AGBL4: variants seen among roughly 807,000 people sequenced by gnomAD.
The protein encoded by AGBL4 is AGBL carboxypeptidase 4, also known as cytosolic carboxypeptidase 6.
AGBL4 carries 58 observed loss-of-function variants against 66.4 expected under a neutral mutation model. That is an observed-to-expected ratio of 0.87 (90% CI 0.71 to 1.09). The LOEUF (loss-of-function observed/expected upper bound fraction) is 1.09, where lower values mean the gene tolerates loss of function less well. AGBL4 is among the 50% of genes least tolerant of loss of function. AGBL4 has a pLI of 0.00. For synonymous variants in AGBL4, 234 were observed against 222.9 expected (o/e 1.05, Z -0.44); for missense variants, 579 against 631.0 (o/e 0.92, Z 0.88).
intron 5 of AGBL4, among the ~76,000 whole-genome samples, chr1:49,044,308 G>A (rs1415492053): frequency 6.6e-6 from 1 of 152,042 alleles, no homozygotes. Context: ...GACCAGCCTG[G>A]CCAACATGGT....
chr1:48,631,440 G>C (rs549213058), intron 9 of AGBL4, among the ~76,000 whole-genome samples: 21 of 152,270 alleles, frequency 1.4e-4, no homozygotes, highest in Admixed American at 5.9e-4. Context: ...ACTCAGGCTG[G>C]AGTGCAGTGG....
intron 3 of AGBL4, among the ~76,000 whole-genome samples, chr1:49,374,815 TCTTTACACTA>T (rs1015668678): frequency 6.6e-6 from 1 of 152,156 alleles, no homozygotes; most frequent in Admixed American, 6.6e-5. Context: ...TCACTTTCAT[TCTTTACACTA>T]AAGTCAGAAT....
intron 6 of AGBL4, among the ~76,000 whole-genome samples, chr1:48,805,653 C>A (rs1645906368): frequency 6.6e-6 from 1 of 152,148 alleles, no homozygotes; most frequent in Admixed American, 6.5e-5. Flanking sequence ...GATTTTCCAG[C>A]TATGTGACTC....
intron 4 of AGBL4, among the ~76,000 whole-genome samples, chr1:49,077,189 T>C (rs1013294309): frequency 2.0e-5 from 3 of 150,412 alleles, no homozygotes; most frequent in Non-Finnish European, 2.9e-5. Flanking sequence ...ACCTATCACA[T>C]AGTGGGTGCT....
chr1:48,930,251 G>C (rs1432064791), intron 5 of AGBL4, among the ~76,000 whole-genome samples: 5 of 151,972 alleles, frequency 3.3e-5, no homozygotes, highest in Admixed American at 3.3e-4. Context: ...CTAGGCTTCT[G>C]CTTGGCACGC....
chr1:49,817,230 T>C (rs1399283760), intron 2 of AGBL4, among the ~76,000 whole-genome samples: 6 of 152,136 alleles, frequency 3.9e-5, no homozygotes, highest in African/African-American at 1.4e-4. Flanking sequence ...CTCAGCAAGC[T>C]TGAAACAGAA....
Position 48,736,135 on chromosome 1 carries a change from T to G in AGBL4, c.635-72894A>C, listed in dbSNP as rs1649006465. The G allele has an allele frequency of 2.3e-6, 3 of 1,331,476 alleles. No homozygotes were observed. In the South Asian group the frequency reaches 3.8e-5, roughly 17 times the overall value. The allele number at this position is 1,331,476 out of a possible 1,614,324, so 82.5% of individuals were successfully genotyped here. A position where few individuals can be genotyped will look rare whatever the true frequency, so the allele number is the denominator to read the frequency against. On this transcript the variant is annotated intron_variant, in intron 6 of 13. Transcript: ENST00000371839. The surrounding 1 kb of genome is among the most constrained non-coding windows in gnomAD (Gnocchi z 4.0). ...CCCGGGCTCAGCCCAGGGTCTGGCA[T>G]GCAGAAGCTTCATAAGTAATCGTTG...
At chr1:49,669,598 A>G (rs1475214705) in intron 3 of AGBL4, among the ~76,000 whole-genome samples, 1 of 152,172 alleles carries the variant, frequency 6.6e-6, no homozygotes, top group African/African-American at 2.4e-5. Context: ...TATAAATGGC[A>G]TCTTGCAGAA....
At chr1:49,069,571 G>A (rs992654510) in intron 4 of AGBL4, among the ~76,000 whole-genome samples, 1 of 151,818 alleles carries the variant, frequency 6.6e-6, no homozygotes, top group Admixed American at 6.6e-5. Context: ...GAGGGCCTCT[G>A]TTCTGTTCCA....
chr1:49,332,085 CTAGTTTGT>C (rs1645346632), intron 3 of AGBL4, among the ~76,000 whole-genome samples: 1 of 152,286 alleles, frequency 6.6e-6, no homozygotes, highest in African/African-American at 2.4e-5. Flanking sequence ...AAGAGGGAGG[CTAGTTTGT>C]TAGTTGTTTG....
chr1:48,906,167 C>G (rs548487103), intron 5 of AGBL4, among the ~76,000 whole-genome samples: 2 of 151,906 alleles, frequency 1.3e-5, no homozygotes, highest in South Asian at 4.2e-4. Flanking sequence ...CATGAAAAAC[C>G]AAAGAGGGGA....
chr1:49,860,851 T>C (rs1257608930), intron 1 of AGBL4, among the ~76,000 whole-genome samples: 1 of 151,326 alleles, frequency 6.6e-6, no homozygotes, highest in Non-Finnish European at 1.5e-5. Context: ...AAAAATCAGA[T>C]GAGCACTGAC....
At chr1:49,554,720 A>G (rs1166437275) in intron 3 of AGBL4, among the ~76,000 whole-genome samples, 1 of 152,196 alleles carries the variant, frequency 6.6e-6, no homozygotes, top group East Asian at 1.9e-4. Context: ...GGTGAGTGTT[A>G]CAGTTCTTAA....
At chr1:49,407,289 T>A (rs1476541200) in intron 3 of AGBL4, among the ~76,000 whole-genome samples, 2 of 152,184 alleles carry the variant, frequency 1.3e-5, no homozygotes. Flanking sequence ...AACAAAAACA[T>A]CAACCTCTCC....
intron 3 of AGBL4, among the ~76,000 whole-genome samples, chr1:49,637,277 A>G (rs1259795546): frequency 6.6e-6 from 1 of 152,042 alleles, no homozygotes; most frequent in Non-Finnish European, 1.5e-5. Flanking sequence ...CAGATAAACT[A>G]CATACTTCTT....
At chr1:49,641,366 G>T (rs1645777432) in intron 3 of AGBL4, among the ~76,000 whole-genome samples, 1 of 151,986 alleles carries the variant, frequency 6.6e-6, no homozygotes, top group Non-Finnish European at 1.5e-5. Flanking sequence ...TAATTCAGGG[G>T]TTTGTACAGT....
intron 3 of AGBL4, among the ~76,000 whole-genome samples, chr1:49,677,934 T>C (rs1375693957): frequency 6.6e-6 from 1 of 152,144 alleles, no homozygotes; most frequent in African/African-American, 2.4e-5. Context: ...TCCAGAAGTG[T>C]AAGAAAACAA....
At position 49,675,541 on chromosome 1, in the gene AGBL4, C is replaced by A. The variant is rs187995991; in HGVS notation, c.282+21772G>T. On this transcript the variant is annotated intron_variant, in intron 3 of 13. Transcript: ENST00000371839. ...TCATGTAACAAATCTACACATGTACCCCTTGAATCCATAAAAATAAAAAAT... is the reference window on the plus strand; with the variant it reads ...TCATGTAACAAATCTACACATGTACACCTTGAATCCATAAAAATAAAAAAT... Among the ~76,000 whole-genome samples, 514 of 151,990 alleles carry A rather than the reference C, an allele frequency of 3.4e-3. 1 individual carries two copies. Among genetic ancestry groups the A allele is most frequent in the African/African-American group, 0.012 (484 of 41,500 alleles).
rs548573980 is a variant in AGBL4 at position 48,652,403 on chromosome 1, G to T, written c.839+934C>A. Among the ~76,000 whole-genome samples, 42 of 152,218 alleles carry T rather than the reference G, an allele frequency of 2.8e-4. 1 individual carries two copies. Among genetic ancestry groups the T allele is most frequent in the African/African-American group, 9.9e-4 (41 of 41,524 alleles). On this transcript the variant is annotated intron_variant, in intron 8 of 13. Coordinates refer to ENST00000371839, the MANE Select transcript of AGBL4 (RefSeq NM_032785.4). ...GGCAGCCTGTATCTTCATACATAAG[G>T]TAGCAGGAACCAATAGGACATGTCT... is the stretch of plus-strand genomic sequence containing the variant.
Sources: allele counts gnomAD v4.1 joint callset (sites outside exome capture counted in the v4.1 genomes callset), GRCh38; gene constraint gnomAD v4.1.1; non-coding constraint Gnocchi (gnomAD v3.1); transcripts MANE v1.5; gene names NCBI Gene and HGNC (gene_info 2026-07-23, HGNC 2026-07-21).